MTERF4: variants seen among roughly 807,000 people sequenced by gnomAD.
The protein encoded by MTERF4 is mitochondrial transcription termination factor 4.
MTERF4 carries 17 observed loss-of-function variants against 22.5 expected under a neutral mutation model. That is an observed-to-expected ratio of 0.75 (90% CI 0.52 to 1.13). The LOEUF (loss-of-function observed/expected upper bound fraction) is 1.13, where lower values mean the gene tolerates loss of function less well. Among genes scored for constraint, MTERF4 ranks in the 50% most tolerant of loss-of-function variants. The pLI is 0.00. For synonymous variants in MTERF4, 165 were observed against 175.3 expected, an observed-to-expected ratio of 0.94 and a Z score of 0.47; for missense variants, 420 against 466.8, an observed-to-expected ratio of 0.90 and a Z score of 0.92.
At chr2:241,074,427 G>A (rs768155422) in exon 5 of MTERF4, 36 of 152,180 alleles carry the variant, frequency 2.4e-4, no homozygotes, top group Non-Finnish European at 4.7e-4. Flanking sequence ...GAAGACTCTC[G>A]TGTTGATCTT....
At chr2:241,079,455 A>G (rs539624892) in intron 4 of MTERF4, among the ~76,000 whole-genome samples, 91 of 151,936 alleles carry the variant, frequency 6.0e-4, no homozygotes, top group Non-Finnish European at 9.7e-4. Context: ...TGTTTTCAGT[A>G]TGTTGTCTTT....
the MTERF4 span, chr2:241,052,363 C>T: frequency 1.3e-6 from 2 of 1,574,834 alleles, no homozygotes; most frequent in African/African-American, 1.3e-5. Flanking sequence ...AGCCCCCTCC[C>T]CCTGCTTCCG....
chr2:241,091,726 A>G (rs1199337381), downstream of MTERF4: 1 of 152,268 alleles, frequency 6.6e-6, no homozygotes, highest in East Asian at 1.9e-4. This position sits in a 1 kb window ranked among gnomAD's most constrained non-coding sequence, Gnocchi z 4.1. Flanking sequence ...GAAAAAGGAC[A>G]CCCTGAGAAA....
downstream of MTERF4, chr2:241,091,872 G>C (rs907101629): frequency 6.6e-6 from 1 of 152,442 alleles, no homozygotes; most frequent in East Asian, 1.9e-4. This position sits in a 1 kb window ranked among gnomAD's most constrained non-coding sequence, Gnocchi z 4.1. Context: ...CCTGCGATGC[G>C]TTTAAGCAGC....
downstream of MTERF4, among the ~76,000 whole-genome samples, chr2:241,085,121 G>A (rs1040626223): frequency 6.6e-6 from 1 of 151,974 alleles, no homozygotes; most frequent in Non-Finnish European, 1.5e-5. Context: ...ATTCTCTGGA[G>A]TTTAAGCTTC....
chr2:241,088,940 G>A (rs577320950), downstream of MTERF4: 4 of 216,928 alleles, frequency 1.8e-5, no homozygotes, highest in Non-Finnish European at 3.6e-5. Context: ...GAAGACCGCC[G>A]CTAGAAAGTC....
At chr2:241,064,732 CG>C in the MTERF4 span, 1 of 714,098 alleles carries the variant, frequency 1.4e-6, no homozygotes, top group Middle Eastern at 2.5e-4. This position sits in a 1 kb window ranked among gnomAD's most constrained non-coding sequence, Gnocchi z 7.0. Flanking sequence ...CTGTGCCCCC[CG>C]CCCCTCCACA....
downstream of MTERF4, chr2:241,094,486 C>T (rs2064257004): frequency 8.7e-6 from 4 of 457,506 alleles, no homozygotes; most frequent in South Asian, 4.8e-5. The surrounding 1 kb of genome is among the most constrained non-coding windows in gnomAD (Gnocchi z 4.3). Flanking sequence ...CAATTGCATG[C>T]AGCTCACACC....
Position 241,096,078 on chromosome 2 carries a change from T to C in MTERF4, c.1066A>G (p.Asn356Asp), listed in dbSNP as rs145923945. Residue 356 changes from asparagine (N) to aspartate (D), a missense_variant, in exon 4 of 4, where the codon AAT (asparagine) becomes GAT (aspartate). Coordinates refer to ENST00000391980, the MANE Select transcript of MTERF4 (RefSeq NM_182501.4). The surrounding 1 kb of genome is among the most constrained non-coding windows in gnomAD (Gnocchi z 5.1). ...TCCTCATCATCGTCATCCTCATCAT[T>C]GTCATCCTCATCATTGTCCTCCTCA... ...DDEEDNDEDD[N>D]DEDDDDEDDD... The C allele has an allele frequency of 2.3e-5, 37 of 1,602,506 alleles. No homozygotes were observed. In the African/African-American group the frequency reaches 2.3e-4, roughly 10 times the overall value.
chr2:241,072,069 G>A (rs1293109838), downstream of MTERF4: 2 of 704,964 alleles, frequency 2.8e-6, no homozygotes, highest in Non-Finnish European at 5.2e-6. Flanking sequence ...CTCCATGGCA[G>A]GAGGGGCAGC....
downstream of MTERF4, among the ~76,000 whole-genome samples, chr2:241,089,628 G>A (rs1021282530): frequency 6.6e-6 from 1 of 152,124 alleles, no homozygotes; most frequent in Non-Finnish European, 1.5e-5. Context: ...TGACTCGAGG[G>A]AATCACTTCC....
intron 2 of MTERF4, among the ~76,000 whole-genome samples, chr2:241,098,362 A>G (rs544457204): frequency 2.8e-4 from 42 of 152,352 alleles, no homozygotes; most frequent in Non-Finnish European, 4.6e-4. Flanking sequence ...ATGCTGTGAA[A>G]TGGTGGATCC....
downstream of MTERF4, chr2:241,071,382 G>C: frequency 1.6e-6 from 1 of 629,008 alleles, no homozygotes; most frequent in Admixed American, 2.7e-5. Flanking sequence ...GAAGGGATGC[G>C]GCGGGTGGGC....
downstream of MTERF4, among the ~76,000 whole-genome samples, chr2:241,069,610 C>T (rs532727316): frequency 6.6e-5 from 10 of 152,302 alleles, no homozygotes; most frequent in East Asian, 1.9e-4. This position sits in a 1 kb window ranked among gnomAD's most constrained non-coding sequence, Gnocchi z 4.9. Context: ...CAGGGCTCCA[C>T]GCAGCCAGGC....
At chr2:241,064,152 C>T in the MTERF4 span, 32 of 1,430,604 alleles carry the variant, frequency 2.2e-5, 1 homozygote, top group Admixed American at 1.0e-4. The surrounding 1 kb of genome is among the most constrained non-coding windows in gnomAD (Gnocchi z 7.0). Flanking sequence ...GCCTGCTCCC[C>T]GCCCTCTGCC....
the MTERF4 span, chr2:241,051,437 G>A: frequency 0.027 from 8,168 of 303,278 alleles, 696 homozygotes; most frequent in East Asian, 0.19. The surrounding 1 kb of genome is among the most constrained non-coding windows in gnomAD (Gnocchi z 4.7). Context: ...GGAGTGCTGC[G>A]CCCGCTGCAG....
At chr2:241,083,161 G>A (rs567237123), downstream of MTERF4, among the ~76,000 whole-genome samples, 12 of 152,342 alleles carry the variant, frequency 7.9e-5, no homozygotes, top group African/African-American at 2.9e-4. Flanking sequence ...GCCTGCTGGG[G>A]ATGGGCAGGG....
downstream of MTERF4, chr2:241,069,079 G>A (rs907875130): frequency 1.6e-6 from 2 of 1,273,382 alleles, no homozygotes; most frequent in South Asian, 2.7e-5. This position sits in a 1 kb window ranked among gnomAD's most constrained non-coding sequence, Gnocchi z 4.9. Context: ...AGAAGCTCTG[G>A]CTTCCTTCCA....
the MTERF4 span, chr2:241,048,881 C>T: frequency 8.4e-7 from 1 of 1,186,896 alleles, no homozygotes; most frequent in Non-Finnish European, 1.2e-6. Flanking sequence ...TGGTTCTACC[C>T]CCACCCAGGA....
Sources: allele counts gnomAD v4.1 joint callset (sites outside exome capture counted in the v4.1 genomes callset), GRCh38; gene constraint gnomAD v4.1.1; non-coding constraint Gnocchi (gnomAD v3.1); transcripts MANE v1.5; gene names NCBI Gene and HGNC (gene_info 2026-07-23, HGNC 2026-07-21).